Variants in RSL24D1 observed in about 807,000 individuals in gnomAD.
The protein encoded by RSL24D1 is ribosomal L24 domain containing 1, also known as probable ribosome biogenesis protein RLP24.
A neutral mutation model predicts 26.2 loss-of-function variants in RSL24D1; 6 were observed. That is an observed-to-expected ratio of 0.23 (90% confidence interval 0.13 to 0.45). The LOEUF is 0.45. Among genes scored for constraint, RSL24D1 ranks in the 20% least tolerant of loss-of-function variants. The probability of loss-of-function intolerance (pLI) is 0.99; values close to 1 mark genes in which losing one functional copy is unlikely to be tolerated. For synonymous variants in RSL24D1, 61 were observed against 59.1 expected (o/e 1.03, Z -0.15); for missense variants, 176 against 202.6 (o/e 0.87, Z 0.80).
At chr15:55,191,559 C>T (rs1334598053) in intron 2 of RSL24D1, among the ~76,000 whole-genome samples, 10 of 152,102 alleles carry the variant, frequency 6.6e-5, no homozygotes, top group African/African-American at 2.4e-4. Context: ...TATATATCTT[C>T]AAATAAATGA....
intron 4 of RSL24D1, among the ~76,000 whole-genome samples, chr15:55,184,517 C>T (rs1894203506): frequency 1.3e-5 from 2 of 152,016 alleles, no homozygotes; most frequent in African/African-American, 4.8e-5. Context: ...TTAGAAAAAC[C>T]ACCATTTGGC....
At chr15:55,189,193 C>CAAAAAAAA (rs11320888) in intron 3 of RSL24D1, among the ~76,000 whole-genome samples, 1 of 66,520 alleles carries the variant, frequency 1.5e-5, no homozygotes, top group Admixed American at 1.8e-4. Flanking sequence ...ACTCCCATCT[C>CAAAAAAAA]AAAAAAAAAA....
chr15:55,182,288 C>T (rs1894176835), intron 5 of RSL24D1, 63 bp from the exon 6 acceptor site: 3 of 1,003,128 alleles, frequency 3.0e-6, no homozygotes, highest in Admixed American at 3.6e-5. Context: ...GAATTCACAC[C>T]AACACTTTAT....
chr15:55,189,976 G>A (rs1193096749), intron 3 of RSL24D1, among the ~76,000 whole-genome samples: 1 of 152,158 alleles, frequency 6.6e-6, no homozygotes. Flanking sequence ...TGCCAGGCAT[G>A]GTGGCTCACG....
intron 1 of RSL24D1, chr15:55,196,578 G>T: frequency 1.7e-6 from 1 of 591,684 alleles, no homozygotes; most frequent in South Asian, 2.0e-5. Context: ...GTTCCTCGCT[G>T]CCAACGCCAC....
At chr15:55,189,595 AT>A (rs1042004070) in intron 3 of RSL24D1, among the ~76,000 whole-genome samples, 2 of 151,814 alleles carry the variant, frequency 1.3e-5, no homozygotes, top group African/African-American at 2.4e-5. Context: ...ACATAAAGAG[AT>A]TTTTTTTGCA....
intron 3 of RSL24D1, among the ~76,000 whole-genome samples, chr15:55,188,765 TCAA>T (rs1894251118): frequency 1.3e-5 from 2 of 152,338 alleles, no homozygotes; most frequent in East Asian, 1.9e-4. Flanking sequence ...GCAACTCTTT[TCAA>T]CAACAACCTA....
At chr15:55,191,071 A>G in intron 2 of RSL24D1, 24 bp from the exon 3 acceptor site, 1 of 1,507,204 alleles carries the variant, frequency 6.6e-7, no homozygotes, top group Non-Finnish European at 9.0e-7. Flanking sequence ...CAGAGGAGAT[A>G]AAAATAAGGT....
intron 4 of RSL24D1, 104 bp downstream of exon 4, chr15:55,185,258 T>G (rs1423460424): frequency 2.8e-6 from 2 of 706,790 alleles, no homozygotes; most frequent in Non-Finnish European, 4.5e-6. Context: ...TTTTGGTAAG[T>G]CTGAAGTTAT....
At chr15:55,187,244 C>A (rs1184199902) in intron 3 of RSL24D1, among the ~76,000 whole-genome samples, 5 of 152,112 alleles carry the variant, frequency 3.3e-5, no homozygotes, top group African/African-American at 1.2e-4. Context: ...TGCTGTAGCT[C>A]AGAATTAATA....
In RSL24D1 at chr15:55,183,385, T is replaced by C; in HGVS notation, c.348A>G (p.Lys116=). Residue 116 remains lysine, a synonymous_variant, in exon 5 of 6, where the codon AAA becomes AAG. Transcript: ENST00000260443. ...TGATATCCTGAACTTTCTGTAGCTC[T>C]TTATTTTTCTTCAATCTACAACAAA... ...KFIMNRLKKN[K]ELQKVQDIKE... 2 of 1,612,348 alleles carry C rather than the reference T, an allele frequency of 1.2e-6. No homozygotes were observed. Among genetic ancestry groups the C allele is most frequent in the Non-Finnish European group, 1.7e-6 (2 of 1,179,358 alleles).
intron 4 of RSL24D1, among the ~76,000 whole-genome samples, chr15:55,184,793 A>G (rs1464153355): frequency 2.0e-5 from 3 of 152,222 alleles, no homozygotes; most frequent in African/African-American, 7.2e-5. Context: ...AGGATACGCC[A>G]TCATTTCTGA....
rs145320361 is a variant in RSL24D1 at position 55,185,397 on chromosome 15, G to T, written c.297C>A (p.Ile99=). 5 of 1,608,488 alleles carry T rather than the reference G, an allele frequency of 3.1e-6. No individual in the cohort carries two copies. In the African/African-American group the frequency reaches 5.4e-5, roughly 17 times the overall value. The part of the protein sequence containing the change: ...TIDAMKRVEE[I]KQKRQAKFIM... ...TAAATTTAGCTTGGCGCTTCTGTTT[G>T]ATTTCTTCAACTCTCTTCATCGCAT... Residue 99 remains isoleucine, a synonymous_variant, in exon 4 of 6, where the codon ATC becomes ATA. Coordinates refer to ENST00000260443, the MANE Select transcript of RSL24D1 (RefSeq NM_016304.3).
At chr15:55,186,565 A>G (rs1894226118) in intron 3 of RSL24D1, among the ~76,000 whole-genome samples, 1 of 152,168 alleles carries the variant, frequency 6.6e-6, no homozygotes. Flanking sequence ...GAAATTTTAT[A>G]CCAAACGCCT....
chr15:55,194,803 T>TACAC lies in RSL24D1; in HGVS notation c.82-1974_82-1971dup, dbSNP rs143219738. 7.1e-3 allele frequency among the ~76,000 whole-genome samples: 1,040 copies of TACAC among 147,094 alleles called. 9 individuals are homozygous for TACAC. The highest frequency in any genetic ancestry group is 0.01 in the African/African-American group (411 of 40,076). Reference sequence around the variant, plus strand: ...GGGAAACATAGCAAGCCTCTGTCTCTACACACACACACACACACACACACA... The same window carrying TACAC: ...GGGAAACATAGCAAGCCTCTGTCTCTACACACACACACACACACACACACACACA... On this transcript the variant is annotated intron_variant, in intron 1 of 5. Transcript: ENST00000260443.
At position 55,180,819 on chromosome 15, in the gene RSL24D1, GTTTA is replaced by G. The variant is rs982814581; in HGVS notation, c.*1329_*1332del. ...CCTAATAAAACGTAACTTTCAAAATGTTTATTTCTTTAAAAAATGAATACGGTAT... is the reference window on the plus strand; with the variant it reads ...CCTAATAAAACGTAACTTTCAAAATGTTTCTTTAAAAAATGAATACGGTAT... On this transcript the variant is annotated 3_prime_UTR_variant, in exon 6 of 6. Transcript: ENST00000260443. 6 of 152,104 alleles carry G rather than the reference GTTTA, an allele frequency of 3.9e-5. No homozygotes were observed. The highest frequency in any genetic ancestry group is 1.4e-4 in the African/African-American group (6 of 41,406). 9.4% of individuals were successfully genotyped at this position (152,104 alleles called of 1,614,324 possible).
intron 5 of RSL24D1, 133 bp from the exon 6 acceptor site, chr15:55,182,358 AAACT>A (rs1176745537): frequency 9.5e-6 from 6 of 630,510 alleles, no homozygotes; most frequent in Non-Finnish European, 1.7e-5. Context: ...AATAGTAGCT[AAACT>A]AACATAGGTC....
At position 55,192,767 on chromosome 15, in the gene RSL24D1, T is replaced by G. The variant is rs1425220945; in HGVS notation, c.148A>C (p.Arg50=). ...GCTTTCCGGAATGCTTTGGTCCACCTAACTTTGCGAGGATTGCGCTTCTTT... is the reference window on the plus strand; with the variant it reads ...GCTTTCCGGAATGCTTTGGTCCACCGAACTTTGCGAGGATTGCGCTTCTTT... ...FKKKRNPRKV[R]WTKAFRKAAG... Residue 50 remains arginine (R), a synonymous_variant, in exon 2 of 6, where the codon AGG becomes CGG. Transcript: ENST00000260443. 3.1e-6 allele frequency: 5 copies of G among 1,613,870 alleles called. No individual in the cohort carries two copies. The highest frequency in any genetic ancestry group is 4.2e-6 in the Non-Finnish European group (5 of 1,179,856).
intron 3 of RSL24D1, among the ~76,000 whole-genome samples, chr15:55,187,358 ATAAACACAAGTGGCAGGAAAATC>A (rs1382688813): frequency 6.6e-6 from 1 of 152,264 alleles, no homozygotes; most frequent in Admixed American, 6.5e-5. Flanking sequence ...TAGAAGGGAA[ATAAACACAAGTGGCAGGAAAATC>A]CCTTCCAAAG....
Sources: gnomAD v4.1 joint callset for allele counts (sites outside exome capture counted in the v4.1 genomes callset) on GRCh38, gnomAD v4.1.1 for gene constraint, MANE v1.5 for transcripts, NCBI Gene and HGNC (gene_info 2026-07-23, HGNC 2026-07-21) for gene names.